Variants in CLCN5 observed in about 807,000 individuals in gnomAD.
CLCN5 encodes Cl-/H+ antiporter 5.
CLCN5 carries 17 observed loss-of-function variants against 54.0 expected under a neutral mutation model. The observed-to-expected ratio is 0.31, with a 90% CI of 0.22 to 0.47. CLCN5 has a LOEUF of 0.47. CLCN5 is among the 20% of genes least tolerant of loss of function. The probability of loss-of-function intolerance (pLI) is 1.00; values close to 1 mark genes in which losing one functional copy is unlikely to be tolerated. For missense variants in CLCN5, 448 were observed against 646.7 expected (o/e 0.69, Z 3.33); for synonymous variants, 222 against 233.0 (o/e 0.95, Z 0.43).
intron 9 of CLCN5, among the ~76,000 whole-genome samples, chrX:50,085,089 A>G (rs948484865): frequency 1.3e-4 from 15 of 111,807 alleles, no homozygotes; most frequent in Admixed American, 4.7e-4. Context: ...ATAATCCTAT[A>G]TGCTTATTTT....
At chrX:50,038,702 C>T (rs1367709160) in intron 3 of CLCN5, among the ~76,000 whole-genome samples, 1 of 111,614 alleles carries the variant, frequency 9.0e-6, no homozygotes, top group Non-Finnish European at 1.9e-5. Context: ...TTTTGATTCT[C>T]CCCAAAAGTC....
chrX:50,027,759 A>AT (rs1179560047), intron 3 of CLCN5, among the ~76,000 whole-genome samples: 9 of 59,612 alleles, frequency 1.5e-4, no homozygotes, highest in Non-Finnish European at 2.6e-4. Context: ...TATACCTTGT[A>AT]TTTTTTTGTT....
intron 3 of CLCN5, among the ~76,000 whole-genome samples, chrX:49,944,497 A>G (rs1926575237): frequency 8.9e-6 from 1 of 111,732 alleles, no homozygotes; most frequent in African/African-American, 3.3e-5. Context: ...TTCAAAGGGA[A>G]TGCTTCCAGT....
intron 3 of CLCN5, among the ~76,000 whole-genome samples, chrX:50,034,938 A>G (rs1179903409): frequency 1.8e-5 from 2 of 111,068 alleles, no homozygotes; most frequent in Non-Finnish European, 3.8e-5. Flanking sequence ...ACCTCCTAAA[A>G]TGATGTTTTT....
intron 3 of CLCN5, among the ~76,000 whole-genome samples, chrX:50,018,694 A>G (rs782489458): frequency 8.9e-6 from 1 of 111,997 alleles, no homozygotes; most frequent in African/African-American, 3.2e-5. Context: ...TGTATTTTCT[A>G]TGTTGATTTA....
chrX:50,076,578 A>G (rs1009014816), intron 7 of CLCN5, among the ~76,000 whole-genome samples: 1 of 111,359 alleles, frequency 9.0e-6, no homozygotes, highest in Middle Eastern at 4.7e-3. Flanking sequence ...GCTGGAGTAC[A>G]GTGACATGAC....
At chrX:50,001,615 C>CT (rs1318685358) in intron 3 of CLCN5, among the ~76,000 whole-genome samples, 1 of 69,956 alleles carries the variant, frequency 1.4e-5, no homozygotes, top group Non-Finnish European at 2.5e-5. Flanking sequence ...TCCCTCCCCC[C>CT]TCCCCCCACC....
chrX:50,010,042 G>A, intron 3 of CLCN5, among the ~76,000 whole-genome samples: 1 of 111,082 alleles, frequency 9.0e-6, no homozygotes, highest in Non-Finnish European at 1.9e-5. Flanking sequence ...CATATACTGA[G>A]GGTGAGTGGG....
At chrX:49,937,559 G>A (rs1828344292) in intron 3 of CLCN5, among the ~76,000 whole-genome samples, 1 of 111,998 alleles carries the variant, frequency 8.9e-6, no homozygotes. Flanking sequence ...GGACTTAGGA[G>A]AGATGTTGCT....
chrX:50,032,971 C>A lies in CLCN5; in HGVS notation c.17-9345C>A, dbSNP rs372794221. Among the ~76,000 whole-genome samples, 13 of 111,280 alleles carry A rather than the reference C, an allele frequency of 1.2e-4. No homozygotes were observed. In the East Asian group the frequency reaches 1.4e-3, roughly 12 times the overall value. On this transcript the variant is annotated intron_variant, in intron 3 of 14. Transcript: ENST00000376091. Reference sequence around the variant, plus strand: ...CAGTTTTCCCAGCACCATTTATTAACTAGGGAATCCTTTCCCCATTGCTTG... The same window carrying A: ...CAGTTTTCCCAGCACCATTTATTAAATAGGGAATCCTTTCCCCATTGCTTG...
At chrX:49,973,784 C>T (rs970724704) in intron 3 of CLCN5, among the ~76,000 whole-genome samples, 9 of 110,496 alleles carry the variant, frequency 8.1e-5, no homozygotes, top group African/African-American at 2.6e-4. Context: ...TTTTAACTTA[C>T]GATATTGTCA....
intron 3 of CLCN5, among the ~76,000 whole-genome samples, chrX:50,029,052 G>A (rs922996131): frequency 1.8e-5 from 2 of 111,850 alleles, no homozygotes; most frequent in East Asian, 5.6e-4. Flanking sequence ...GATACCAAGC[G>A]ATTCCTCAAC....
At chrX:50,056,546 A>G (rs976425134) in intron 4 of CLCN5, among the ~76,000 whole-genome samples, 1 of 111,787 alleles carries the variant, frequency 8.9e-6, no homozygotes, top group Non-Finnish European at 1.9e-5. Context: ...ATCTTAGTCC[A>G]GTGGGAGCCT....
intron 4 of CLCN5, among the ~76,000 whole-genome samples, chrX:50,048,545 G>A (rs1223868070): frequency 8.9e-6 from 1 of 112,175 alleles, no homozygotes; most frequent in South Asian, 3.7e-4. Flanking sequence ...TTTGTGCTTT[G>A]AGTTATAATC....
intron 3 of CLCN5, among the ~76,000 whole-genome samples, chrX:49,935,242 T>C (rs782225857): frequency 8.9e-6 from 1 of 112,090 alleles, no homozygotes; most frequent in African/African-American, 3.2e-5. Context: ...CTGGCCTAGA[T>C]CATTTCAGTT....
intron 3 of CLCN5, among the ~76,000 whole-genome samples, chrX:49,943,497 T>C (rs1320252635): frequency 9.8e-6 from 1 of 102,264 alleles, no homozygotes; most frequent in Non-Finnish European, 2.0e-5. Flanking sequence ...TCCTGAATGG[T>C]ATTGCCTAGG....
In CLCN5 at chrX:50,098,179, G is replaced by A. The variant is rs1557195980; in HGVS notation, c.*5960G>A. The A allele has an allele frequency of 1.8e-5, 2 of 112,230 alleles. No homozygotes were observed. The highest frequency in any genetic ancestry group is 6.5e-5 in the African/African-American group (2 of 30,789). The allele number at this position is 112,230 out of a possible 1,213,427, so 9.2% of individuals were successfully genotyped here. A position where few individuals can be genotyped will look rare whatever the true frequency, so the allele number is the denominator to read the frequency against. On this transcript the variant is annotated 3_prime_UTR_variant, in exon 15 of 15. Coordinates refer to ENST00000376091, the MANE Select transcript of CLCN5 (RefSeq NM_001127898.4). ...TCCTTTGGGACTTTGTGATGATTAA[G>A]AATTTATTCCATTCAGGATTTTAAA... is the stretch of plus-strand genomic sequence containing the variant.
chrX:49,964,768 T>C (rs1252222204), intron 3 of CLCN5, among the ~76,000 whole-genome samples: 1 of 111,251 alleles, frequency 9.0e-6, no homozygotes. Context: ...TATTTTAAGC[T>C]AATTTTTTAG....
At chrX:50,066,324 C>G (rs1008609901) in intron 4 of CLCN5, among the ~76,000 whole-genome samples, 1 of 111,095 alleles carries the variant, frequency 9.0e-6, no homozygotes, top group African/African-American at 3.3e-5. Context: ...CTCCTTAATG[C>G]TAGATTAGTT....
Sources: gnomAD v4.1 joint callset for allele counts (sites outside exome capture counted in the v4.1 genomes callset) on GRCh38, gnomAD v4.1.1 for gene constraint, MANE v1.5 for transcripts, NCBI Gene and HGNC (gene_info 2026-07-23, HGNC 2026-07-21) for gene names.